Variants in ADAMTSL1 observed in about 807,000 individuals in gnomAD.
The protein encoded by ADAMTSL1 is ADAMTS like 1, also known as ADAMTS-like protein 1.
In ADAMTSL1, 126 loss-of-function variants were observed where a neutral mutation model predicts 201.8. The ratio of observed to expected loss-of-function variants is 0.62; its 90% CI spans 0.54 to 0.72. ADAMTSL1 has a LOEUF of 0.72. ADAMTSL1 is among the 30% of genes least tolerant of loss of function. ADAMTSL1 has a pLI of 0.00. For missense variants in ADAMTSL1, 2,679 were observed against 2,277.8 expected (o/e 1.18, Z -3.59); for synonymous variants, 1,121 against 903.4 (o/e 1.24, Z -4.32).
At chr9:18,553,016 T>C (rs2132231802) in intron 3 of ADAMTSL1, among the ~76,000 whole-genome samples, 1 of 151,652 alleles carries the variant, frequency 6.6e-6, no homozygotes, top group South Asian at 2.1e-4. Flanking sequence ...TCTCTATCTT[T>C]AAATTTATGG....
intron 2 of ADAMTSL1, among the ~76,000 whole-genome samples, chr9:18,301,418 C>T (rs919649384): frequency 1.2e-4 from 18 of 152,196 alleles, no homozygotes; most frequent in Admixed American, 8.5e-4. Flanking sequence ...CCATGACCCC[C>T]AGTGGATGCC....
chr9:18,277,272 T>C (rs921545547), intron 2 of ADAMTSL1, among the ~76,000 whole-genome samples: 2 of 152,214 alleles, frequency 1.3e-5, no homozygotes, highest in African/African-American at 4.8e-5. Context: ...GTCTAAAGTG[T>C]TGTTCAAGTC....
intron 3 of ADAMTSL1, among the ~76,000 whole-genome samples, chr9:18,549,160 C>T (rs372137025): frequency 6.6e-6 from 1 of 151,892 alleles, no homozygotes; most frequent in South Asian, 2.1e-4. Flanking sequence ...CATAACCAGA[C>T]ATATCATGGT....
chr9:18,128,230 A>G (rs1303466058), intron 1 of ADAMTSL1, among the ~76,000 whole-genome samples: 1 of 152,208 alleles, frequency 6.6e-6, no homozygotes, highest in East Asian at 1.9e-4. Context: ...AGATAATCAG[A>G]AAATTGCATT....
intron 2 of ADAMTSL1, among the ~76,000 whole-genome samples, chr9:18,210,754 ACCAGTAATTTTTTTTTTTGC>A (rs965005871): frequency 7.9e-5 from 12 of 151,384 alleles, no homozygotes; most frequent in Admixed American, 6.6e-4. Flanking sequence ...TAGGCAGGAC[ACCAGTAATTTTTTTTTTTGC>A]CTATCTTAAA....
chr9:18,908,139 A>G, intron 28 of ADAMTSL1: 1 of 406,688 alleles, frequency 2.5e-6, no homozygotes, highest in East Asian at 5.7e-5. Context: ...TCCCAAGAAG[A>G]TAGAGAAAAC....
At chr9:18,487,012 A>G (rs1294964761) in intron 1 of ADAMTSL1, among the ~76,000 whole-genome samples, 1 of 152,192 alleles carries the variant, frequency 6.6e-6, no homozygotes, top group African/African-American at 2.4e-5. Context: ...CCCTTTGAAA[A>G]CAGCTAAAAA....
At chr9:18,341,183 G>A (rs184191736) in intron 2 of ADAMTSL1, among the ~76,000 whole-genome samples, 115 of 152,188 alleles carry the variant, frequency 7.6e-4, no homozygotes, top group African/African-American at 2.6e-3. Context: ...ACTCCTACAT[G>A]ATTTGCAAGG....
At chr9:18,856,082 G>A (rs1159105754) in intron 23 of ADAMTSL1, among the ~76,000 whole-genome samples, 1 of 152,086 alleles carries the variant, frequency 6.6e-6, no homozygotes, top group Non-Finnish European at 1.5e-5. Context: ...TCAGAAACTG[G>A]TTCATGATAG....
chr9:18,210,292 A>C lies in ADAMTSL1; in HGVS notation c.207+46311A>C, dbSNP rs975324887. On this transcript the variant is annotated intron_variant, in intron 2 of 29. Coordinates refer to the ADAMTSL1 transcript ENST00000680146. ...AATTAATACTTTAATTAAAATTTTA[A>C]CTCATTCATTAAAATTTTAATTAAT... Among the ~76,000 whole-genome samples, 42 of 150,692 alleles carry C rather than the reference A, an allele frequency of 2.8e-4. 1 individual carries two copies. Among genetic ancestry groups the C allele is most frequent in the African/African-American group, 9.7e-4 (40 of 41,240 alleles).
At chr9:18,423,709 T>A (rs1436460271) in intron 2 of ADAMTSL1, among the ~76,000 whole-genome samples, 1 of 152,172 alleles carries the variant, frequency 6.6e-6, no homozygotes, top group Non-Finnish European at 1.5e-5. Flanking sequence ...GAAGGTCACA[T>A]TTGCCTGAGC....
intron 2 of ADAMTSL1, among the ~76,000 whole-genome samples, chr9:18,205,081 C>T (rs1351288802): frequency 2.0e-5 from 3 of 152,140 alleles, no homozygotes; most frequent in Non-Finnish European, 4.4e-5. Flanking sequence ...AAGTTCTGGA[C>T]ATGCCTTGTG....
intron 2 of ADAMTSL1, among the ~76,000 whole-genome samples, chr9:18,417,173 T>G (rs377669516): frequency 6.6e-6 from 1 of 151,868 alleles, no homozygotes; most frequent in East Asian, 1.9e-4. Context: ...AAGTAAGCCA[T>G]GTACCAAAGA....
At chr9:18,667,289 A>T (rs1829506506) in intron 9 of ADAMTSL1, among the ~76,000 whole-genome samples, 1 of 152,000 alleles carries the variant, frequency 6.6e-6, no homozygotes, top group African/African-American at 2.4e-5. Flanking sequence ...AGGAACCAAA[A>T]AAAAAGTCTC....
At chr9:17,922,580 G>A (rs1203201544) in intron 1 of ADAMTSL1, among the ~76,000 whole-genome samples, 1 of 151,976 alleles carries the variant, frequency 6.6e-6, no homozygotes, top group Non-Finnish European at 1.5e-5. Context: ...GACACATTTT[G>A]ACCAAAAACC....
intron 7 of ADAMTSL1, among the ~76,000 whole-genome samples, chr9:18,647,375 C>T (rs372130994): frequency 0.13 from 16,991 of 129,232 alleles, 1,207 homozygotes; most frequent in Non-Finnish European, 0.17. Flanking sequence ...GGTTTTTTTT[C>T]CCCCATTTCC....
intron 18 of ADAMTSL1, 148 bp from the exon 19 acceptor site, chr9:18,776,633 T>G (rs2133751207): frequency 1.0e-6 from 1 of 971,368 alleles, no homozygotes; most frequent in East Asian, 2.8e-5. Flanking sequence ...CGAAGAATAC[T>G]TTCTCTCCCG....
intron 2 of ADAMTSL1, among the ~76,000 whole-genome samples, chr9:18,211,250 C>G (rs1401541706): frequency 6.6e-6 from 1 of 152,014 alleles, no homozygotes; most frequent in Non-Finnish European, 1.5e-5. Flanking sequence ...TTTTTGTTAA[C>G]TTCTAGGTCA....
intron 4 of ADAMTSL1, among the ~76,000 whole-genome samples, chr9:18,617,967 A>T (rs1341735033): frequency 6.6e-6 from 1 of 152,200 alleles, no homozygotes; most frequent in African/African-American, 2.4e-5. Context: ...AAAAAATTTC[A>T]TGCAGTTGCC....
Sources: gnomAD v4.1 joint callset for allele counts (sites outside exome capture counted in the v4.1 genomes callset) on GRCh38, gnomAD v4.1.1 for gene constraint, MANE v1.5 for transcripts, NCBI Gene and HGNC (gene_info 2026-07-23, HGNC 2026-07-21) for gene names.